Variants in CACNA2D3 observed in about 807,000 individuals in gnomAD.
The protein encoded by CACNA2D3 is calcium voltage-gated channel auxiliary subunit alpha2delta 3.
In CACNA2D3, 60 loss-of-function variants were observed where a neutral mutation model predicts 160.6. That is an observed-to-expected ratio of 0.37 (90% confidence interval 0.30 to 0.46). The LOEUF (loss-of-function observed/expected upper bound fraction) is 0.46. Ranked by LOEUF, CACNA2D3 falls within the 20% of genes least tolerant of loss-of-function variation. CACNA2D3 has a pLI of 1.00. For missense variants in CACNA2D3, 1,205 were observed against 1,365.0 expected (o/e 0.88, Z 1.85); for synonymous variants, 558 against 492.9 (o/e 1.13, Z -1.75).
intron 2 of CACNA2D3, among the ~76,000 whole-genome samples, chr3:54,309,257 C>T (rs1262341266): frequency 3.9e-5 from 6 of 152,164 alleles, no homozygotes; most frequent in African/African-American, 9.7e-5. Flanking sequence ...TACAAGGGCA[C>T]GGATGGTTGT....
Position 54,809,343 on chromosome 3 carries a change from G to T in CACNA2D3, c.1381-7510G>T, listed in dbSNP as rs866491279. Among the ~76,000 whole-genome samples, 33 of 64,872 alleles carry T rather than the reference G, an allele frequency of 5.1e-4. 1 individual carries two copies. Among genetic ancestry groups the T allele is most frequent in the Middle Eastern group, 9.3e-3 (1 of 108 alleles). 42.6% of individuals were successfully genotyped at this position (64,872 alleles called of 152,430 possible). A position where few individuals can be genotyped will look rare whatever the true frequency, so the allele number is the denominator to read the frequency against. ...TTTTTTTTTTTTGAGACGGAGTCTC[G>T]CTCTGTCGCCCAGGTCGGACTGCGG... On this transcript the variant is annotated intron_variant, in intron 13 of 37. Coordinates refer to ENST00000474759, the MANE Select transcript of CACNA2D3 (RefSeq NM_018398.3).
chr3:54,414,100 C>A (rs1203636941), intron 4 of CACNA2D3, among the ~76,000 whole-genome samples: 1 of 151,640 alleles, frequency 6.6e-6, no homozygotes, highest in Non-Finnish European at 1.5e-5. Flanking sequence ...TATTAGGAAA[C>A]AATTATTAAA....
chr3:54,592,675 A>G (rs778267980), intron 9 of CACNA2D3, among the ~76,000 whole-genome samples: 8 of 152,162 alleles, frequency 5.3e-5, no homozygotes, highest in Non-Finnish European at 2.9e-5. Flanking sequence ...TATAATGAAG[A>G]TGTCCTGAAA....
At chr3:54,954,222 C>T (rs919421660) in intron 27 of CACNA2D3, among the ~76,000 whole-genome samples, 2 of 152,306 alleles carry the variant, frequency 1.3e-5, no homozygotes, top group South Asian at 4.1e-4. Flanking sequence ...CTATGGCCTC[C>T]TCATTCCAAG....
At chr3:54,654,450 T>C (rs2106869942) in intron 11 of CACNA2D3, among the ~76,000 whole-genome samples, 1 of 152,194 alleles carries the variant, frequency 6.6e-6, no homozygotes, top group South Asian at 2.1e-4. Context: ...ATGTTAAAAA[T>C]TGCAAATCTA....
rs1005868132 is a variant in CACNA2D3, at chr3:54,969,689, A to T, written c.2512-111A>T. ...CAATGAAATTGGGTATTTGAATTCT[A>T]GCCCATGACTTGGATAGCTTGTCCT... On this transcript the variant is annotated intron_variant, in intron 28 of 37. Coordinates refer to ENST00000474759, the MANE Select transcript of CACNA2D3 (RefSeq NM_018398.3). 3.9e-6 allele frequency: 3 copies of T among 767,918 alleles called. No individual in the cohort carries two copies. The African/African-American group carries it at 5.2e-5, about 13-fold the overall frequency. 47.6% of individuals were successfully genotyped at this position (767,918 alleles called of 1,614,324 possible).
At chr3:54,975,805 T>C (rs1702377739) in intron 29 of CACNA2D3, among the ~76,000 whole-genome samples, 1 of 152,162 alleles carries the variant, frequency 6.6e-6, no homozygotes, top group South Asian at 2.1e-4. Context: ...GTTCAGATAT[T>C]AGCTCAAGAA....
chr3:54,269,573 A>C (rs922910283), intron 2 of CACNA2D3, among the ~76,000 whole-genome samples: 30 of 152,146 alleles, frequency 2.0e-4, no homozygotes, highest in Non-Finnish European at 2.5e-4. Context: ...CTGTGATGGC[A>C]AGAGTACCAA....
chr3:54,574,951 G>A lies in CACNA2D3; in HGVS notation c.888+4847G>A, dbSNP rs561329664. 6.6e-5 allele frequency among the ~76,000 whole-genome samples: 10 copies of A among 152,326 alleles called. No homozygotes were observed. In the East Asian group the frequency reaches 1.5e-3, roughly 23 times the overall value. ...AGATTTTCTTTAGAACGGTTTCTCCGATGCTTTGCCGCTGTGGATTTGCTT... is the reference window on the plus strand; with the variant it reads ...AGATTTTCTTTAGAACGGTTTCTCCAATGCTTTGCCGCTGTGGATTTGCTT... On this transcript the variant is annotated intron_variant, in intron 8 of 37. Coordinates refer to ENST00000474759, the MANE Select transcript of CACNA2D3 (RefSeq NM_018398.3).
chr3:54,257,252 G>A (rs903527482), intron 2 of CACNA2D3, among the ~76,000 whole-genome samples: 3 of 152,260 alleles, frequency 2.0e-5, no homozygotes, highest in African/African-American at 4.8e-5. Context: ...AGAGCAGTCC[G>A]TCAGCTCAGA....
chr3:54,449,722 A>T (rs11717967), intron 4 of CACNA2D3, among the ~76,000 whole-genome samples: 28,761 of 152,102 alleles, frequency 0.19, 3,007 homozygotes, highest in African/African-American at 0.29. Context: ...TCTGCCATGT[A>T]AGATGCCTCA....
intron 4 of CACNA2D3, among the ~76,000 whole-genome samples, chr3:54,402,608 A>C (rs1351887161): frequency 6.6e-6 from 1 of 152,204 alleles, no homozygotes; most frequent in Non-Finnish European, 1.5e-5. Context: ...ATATATATGC[A>C]CCCAATCTGA....
intron 11 of CACNA2D3, among the ~76,000 whole-genome samples, chr3:54,732,433 CG>C (rs1164259775): frequency 6.6e-6 from 1 of 152,128 alleles, no homozygotes; most frequent in Non-Finnish European, 1.5e-5. Context: ...GGACAAGACA[CG>C]GGTCTGGGGT....
At chr3:55,056,606 A>G (rs1487245365) in intron 35 of CACNA2D3, among the ~76,000 whole-genome samples, 1 of 152,210 alleles carries the variant, frequency 6.6e-6, no homozygotes, top group African/African-American at 2.4e-5. Context: ...TAAGCGCACA[A>G]TGGAATACTA....
chr3:54,752,472 A>G (rs1277030945), intron 11 of CACNA2D3, 127 bp from the exon 12 acceptor site: 2 of 660,748 alleles, frequency 3.0e-6, no homozygotes, highest in East Asian at 5.5e-5. Flanking sequence ...TGTCTTAAAT[A>G]TGTTCCTGCA....
At chr3:54,977,263 G>A (rs892048538) in intron 29 of CACNA2D3, among the ~76,000 whole-genome samples, 2 of 152,062 alleles carry the variant, frequency 1.3e-5, no homozygotes, top group African/African-American at 2.4e-5. Flanking sequence ...ATTCTCTTTG[G>A]AAGTACAGCT....
chr3:54,980,292 A>G (rs574840287), intron 29 of CACNA2D3, among the ~76,000 whole-genome samples: 122 of 152,232 alleles, frequency 8.0e-4, no homozygotes, highest in Non-Finnish European at 1.6e-3. Context: ...TCTAAGAAAA[A>G]CCTGTTGTGC....
At chr3:54,805,481 AC>A (rs1263331591) in intron 13 of CACNA2D3, among the ~76,000 whole-genome samples, 1 of 152,090 alleles carries the variant, frequency 6.6e-6, no homozygotes, top group Non-Finnish European at 1.5e-5. Flanking sequence ...CAACACATAC[AC>A]CCTCCCAAGA....
Position 54,593,176 on chromosome 3 carries a change from A to G in CACNA2D3, c.963+11299A>G, listed in dbSNP as rs75483090. Among the ~76,000 whole-genome samples, 1,107 of 152,318 alleles carry G rather than the reference A, an allele frequency of 7.3e-3. 8 individuals are homozygous for G. The highest frequency in any genetic ancestry group is 0.051 in the Middle Eastern group (15 of 294). ...CATGAGTACATTAAAAATAACTTACATAGAGAAAAATTGAGAACAACCTAC... is the reference window on the plus strand; with the variant it reads ...CATGAGTACATTAAAAATAACTTACGTAGAGAAAAATTGAGAACAACCTAC... On this transcript the variant is annotated intron_variant, in intron 9 of 37. Coordinates refer to ENST00000474759, the MANE Select transcript of CACNA2D3 (RefSeq NM_018398.3).
Sources: gnomAD v4.1 joint callset for allele counts (sites outside exome capture counted in the v4.1 genomes callset) on GRCh38, gnomAD v4.1.1 for gene constraint, MANE v1.5 for transcripts, NCBI Gene and HGNC (gene_info 2026-07-23, HGNC 2026-07-21) for gene names.